PPP1R12B: variants seen among roughly 807,000 people sequenced by gnomAD.
PPP1R12B encodes myosin phosphatase target subunit 2.
A neutral mutation model predicts 126.1 loss-of-function variants in PPP1R12B; 76 were observed. The observed-to-expected ratio is 0.60, with a 90% CI of 0.50 to 0.73. PPP1R12B has a LOEUF of 0.73. PPP1R12B is among the 30% of genes least tolerant of loss of function. The pLI is 0.00. For synonymous variants in PPP1R12B, 356 were observed against 434.7 expected, an observed-to-expected ratio of 0.82 and a Z score of 2.25; for missense variants, 1,052 against 1,205.1, an observed-to-expected ratio of 0.87 and a Z score of 1.88.
intron 13 of PPP1R12B, among the ~76,000 whole-genome samples, chr1:202,468,392 A>G (rs1221865777): frequency 6.6e-6 from 1 of 152,012 alleles, no homozygotes; most frequent in Non-Finnish European, 1.5e-5. Context: ...ATCTTGAATT[A>G]ATTTTTGTAT....
At position 202,543,170 on chromosome 1, in the gene PPP1R12B, A is replaced by C. The variant is rs528500998; in HGVS notation, c.2491-15707A>C. 1.6e-4 allele frequency among the ~76,000 whole-genome samples: 24 copies of C among 152,226 alleles called. 1 individual carries two copies. Among genetic ancestry groups the C allele is most frequent in the Non-Finnish European group, 2.4e-4 (16 of 68,014 alleles). ...TAGTAAAGGCAAACTATAAACTGTA[A>C]GTCAAACAAGTTATTATTTTTAACT... On this transcript the variant is annotated intron_variant, in intron 18 of 23. Coordinates refer to ENST00000608999, the MANE Select transcript of PPP1R12B (RefSeq NM_002481.4).
chr1:202,428,620 T>C (rs1420839764), intron 5 of PPP1R12B: 6 of 460,640 alleles, frequency 1.3e-5, no homozygotes, highest in African/African-American at 2.1e-5. Context: ...TTAGAAATGG[T>C]GTGATTTCTG....
chr1:202,564,410 G>A (rs371177456), intron 20 of PPP1R12B, 33 bp from the exon 21 acceptor site: 20 of 1,519,232 alleles, frequency 1.3e-5, no homozygotes, highest in East Asian at 2.3e-5. Flanking sequence ...GTTCTAACGC[G>A]AACGCTGATC....
chr1:202,434,168 G>A (rs572658187), intron 8 of PPP1R12B, among the ~76,000 whole-genome samples: 94 of 152,288 alleles, frequency 6.2e-4, no homozygotes, highest in African/African-American at 2.1e-3. Flanking sequence ...TCTGAGGTAT[G>A]TATTATTATC....
chr1:202,479,628 C>T (rs1677105751), intron 13 of PPP1R12B, among the ~76,000 whole-genome samples: 1 of 152,172 alleles, frequency 6.6e-6, no homozygotes. Flanking sequence ...TAAGGGCTTA[C>T]CAGAAATAGA....
At chr1:202,366,536 A>G (rs2148429964) in intron 1 of PPP1R12B, among the ~76,000 whole-genome samples, 1 of 151,892 alleles carries the variant, frequency 6.6e-6, no homozygotes, top group East Asian at 1.9e-4. Context: ...AAAAAAAAAA[A>G]AAAAATCAGT....
intron 23 of PPP1R12B, among the ~76,000 whole-genome samples, chr1:202,572,422 G>A (rs1688690126): frequency 1.3e-5 from 2 of 152,190 alleles, no homozygotes; most frequent in South Asian, 2.1e-4. Flanking sequence ...GGTGAAATGG[G>A]GGAACCATGA....
intron 23 of PPP1R12B, among the ~76,000 whole-genome samples, chr1:202,572,649 T>A (rs1688718213): frequency 6.6e-6 from 1 of 152,192 alleles, no homozygotes; most frequent in Admixed American, 6.5e-5. Context: ...CCACATCAGA[T>A]GTGATTACTT....
At chr1:202,380,507 T>C (rs1662072287) in intron 1 of PPP1R12B, among the ~76,000 whole-genome samples, 1 of 152,206 alleles carries the variant, frequency 6.6e-6, no homozygotes, top group Non-Finnish European at 1.5e-5. Flanking sequence ...TGGGTTATTG[T>C]ATTTGTTTCT....
intron 18 of PPP1R12B, among the ~76,000 whole-genome samples, chr1:202,540,878 A>G (rs543219892): frequency 2.0e-5 from 3 of 152,218 alleles, no homozygotes; most frequent in Admixed American, 6.5e-5. Flanking sequence ...ACTCTTGGCC[A>G]TTGACAACCA....
intron 18 of PPP1R12B, among the ~76,000 whole-genome samples, chr1:202,516,920 G>C (rs1682214520): frequency 6.6e-6 from 1 of 152,164 alleles, no homozygotes; most frequent in African/African-American, 2.4e-5. Context: ...TAGTTAGTGA[G>C]GTGTGATTGT....
rs187272371 is a variant in PPP1R12B, at chr1:202,368,156, A to C, written c.291+19014A>C. Among the ~76,000 whole-genome samples the C allele has an allele frequency of 2.8e-4, 43 of 152,086 alleles. 1 individual carries two copies. The East Asian group carries it at 7.9e-3, about 28-fold the overall frequency. On this transcript the variant is annotated intron_variant, in intron 1 of 23. Coordinates refer to ENST00000608999, the MANE Select transcript of PPP1R12B (RefSeq NM_002481.4). The stretch of plus-strand genomic sequence containing the variant: ...GGCTAATTTTTTGTATTTTTAGTAG[A>C]AACAGGGTTTCACCATGTTGGCCAG...
chr1:202,492,812 T>TA (rs1229220414), intron 14 of PPP1R12B, among the ~76,000 whole-genome samples: 1 of 152,186 alleles, frequency 6.6e-6, no homozygotes, highest in East Asian at 1.9e-4. Context: ...TACTGAGAAC[T>TA]ATTTGGTATG....
intron 1 of PPP1R12B, among the ~76,000 whole-genome samples, chr1:202,407,755 G>C (rs1666821123): frequency 6.6e-6 from 1 of 152,182 alleles, no homozygotes; most frequent in Non-Finnish European, 1.5e-5. Flanking sequence ...CCTTCCTGTA[G>C]TGACGATCTC....
At position 202,585,399 on chromosome 1, in the gene PPP1R12B, A is replaced by G. The variant is rs935130409; in HGVS notation, c.*4839A>G. 7 of 152,266 alleles carry G rather than the reference A, an allele frequency of 4.6e-5. No homozygotes were observed. The highest frequency in any genetic ancestry group is 1.2e-4 in the African/African-American group (5 of 41,466). The allele number at this position is 152,266 out of a possible 1,614,324, so 9.4% of individuals were successfully genotyped here. ...GAGGACAAAAAGGCAACATTAAAAGATAAGACCCTAGAAGTCAGAACATCT... is the reference window on the plus strand; with the variant it reads ...GAGGACAAAAAGGCAACATTAAAAGGTAAGACCCTAGAAGTCAGAACATCT... On this transcript the variant is annotated 3_prime_UTR_variant, in exon 24 of 24. Transcript: ENST00000608999.
In PPP1R12B at chr1:202,434,771, G is replaced by A. The variant is rs1178480631; in HGVS notation, c.1254+3G>A. On this transcript the variant is annotated splice_donor_region_variant and intron_variant, in intron 9 of 23. Transcript: ENST00000608999. Reference sequence around the variant, plus strand: ...TCTCTGCCTCTTCTGCTAGGAGGGTGAGTACTTTTTACTTAATTTGGGAAT... The same window carrying A: ...TCTCTGCCTCTTCTGCTAGGAGGGTAAGTACTTTTTACTTAATTTGGGAAT... 6.2e-7 allele frequency: 1 copy of A among 1,613,178 alleles called. No individual in the cohort carries two copies. The highest frequency in any genetic ancestry group is 8.5e-7 in the Non-Finnish European group (1 of 1,179,762).
chr1:202,364,651 A>G (rs1365059302), intron 1 of PPP1R12B, among the ~76,000 whole-genome samples: 1 of 151,942 alleles, frequency 6.6e-6, no homozygotes, highest in Non-Finnish European at 1.5e-5. Flanking sequence ...ATCTCGGCTC[A>G]CTGCAAGCTC....
At chr1:202,485,055 G>A (rs1677899941) in intron 13 of PPP1R12B, among the ~76,000 whole-genome samples, 1 of 152,212 alleles carries the variant, frequency 6.6e-6, no homozygotes. Flanking sequence ...TGTTGGGCTG[G>A]ATGTGGGTGT....
Position 202,398,214 on chromosome 1 carries a change from A to G in PPP1R12B, c.292-18573A>G, listed in dbSNP as rs1301695430. 2.0e-5 allele frequency among the ~76,000 whole-genome samples: 3 copies of G among 152,244 alleles called. No homozygotes were observed. In the South Asian group the frequency reaches 6.2e-4, roughly 32 times the overall value. On this transcript the variant is annotated intron_variant, in intron 1 of 23. Transcript: ENST00000608999. ...CTGGAAAAATGGATAGTTCTCAGCTAGTGCATTACACGCACATGCATACAC... is the reference window on the plus strand; with the variant it reads ...CTGGAAAAATGGATAGTTCTCAGCTGGTGCATTACACGCACATGCATACAC...
Sources: gnomAD v4.1 joint callset for allele counts (sites outside exome capture counted in the v4.1 genomes callset) on GRCh38, gnomAD v4.1.1 for gene constraint, MANE v1.5 for transcripts, NCBI Gene and HGNC (gene_info 2026-07-23, HGNC 2026-07-21) for gene names.